Variants in WDPCP observed in about 807,000 individuals in gnomAD.
WDPCP encodes WD repeat containing planar cell polarity effector.
Under a neutral mutation model 93.1 loss-of-function variants are expected in WDPCP, and 71 were observed. The ratio of observed to expected loss-of-function variants is 0.76; its 90% CI spans 0.63 to 0.93. WDPCP has a LOEUF of 0.93. WDPCP is among the 40% of genes least tolerant of loss of function. The pLI, the probability that WDPCP is intolerant of heterozygous loss-of-function variation, is 0.00. For missense variants in WDPCP, 844 were observed against 887.4 expected (o/e 0.95, Z 0.62); for synonymous variants, 315 against 315.0 (o/e 1.00, Z 0.00).
intron 3 of WDPCP, chr2:63,604,770 G>C: frequency 6.2e-7 from 1 of 1,614,134 alleles, no homozygotes. Context: ...CCTCGACTCA[G>C]TATCCAGATG....
chr2:63,390,993 C>A (rs2105015064), intron 10 of WDPCP, among the ~76,000 whole-genome samples: 1 of 152,272 alleles, frequency 6.6e-6, no homozygotes, highest in Non-Finnish European at 1.5e-5. Flanking sequence ...CCTTCTGAAA[C>A]TATTCCAATC....
At chr2:63,155,227 A>G (rs2103841454) in intron 15 of WDPCP, among the ~76,000 whole-genome samples, 1 of 152,266 alleles carries the variant, frequency 6.6e-6, no homozygotes, top group Middle Eastern at 3.4e-3. Flanking sequence ...ATTTCCTCCT[A>G]TGCTTTCTTC....
intron 15 of WDPCP, among the ~76,000 whole-genome samples, chr2:63,166,514 C>T (rs1175144511): frequency 1.3e-5 from 2 of 152,160 alleles, no homozygotes; most frequent in Admixed American, 6.5e-5. Context: ...CAGCGATTCT[C>T]ATGCCTCACT....
At chr2:63,630,116 A>AT (rs1490813149) in intron 3 of WDPCP, among the ~76,000 whole-genome samples, 1 of 152,242 alleles carries the variant, frequency 6.6e-6, no homozygotes, top group Non-Finnish European at 1.5e-5. Flanking sequence ...TACAGCAACC[A>AT]TGAAAAAATT....
At chr2:63,467,678 A>C (rs1699430844) in intron 6 of WDPCP, among the ~76,000 whole-genome samples, 1 of 151,152 alleles carries the variant, frequency 6.6e-6, no homozygotes, top group Non-Finnish European at 1.5e-5. Context: ...CGGTAGGCTA[A>C]GGCAGGAGAA....
At chr2:63,606,422 T>G (rs1709528881) in intron 3 of WDPCP, among the ~76,000 whole-genome samples, 1 of 152,206 alleles carries the variant, frequency 6.6e-6, no homozygotes, top group Admixed American at 6.5e-5. Flanking sequence ...AATTGTTCCT[T>G]TACTAAAATA....
intron 2 of WDPCP, among the ~76,000 whole-genome samples, chr2:63,790,239 G>A (rs922920169): frequency 1.3e-5 from 2 of 152,166 alleles, no homozygotes; most frequent in Admixed American, 6.6e-5. Flanking sequence ...AAGGTGCTGG[G>A]CGAAATTATA....
At chr2:63,418,812 C>T (rs1695620112) in intron 9 of WDPCP, among the ~76,000 whole-genome samples, 12 of 152,134 alleles carry the variant, frequency 7.9e-5, no homozygotes, top group Admixed American at 7.9e-4. Context: ...GAAAATATCT[C>T]TGTTTTAATT....
At chr2:63,819,968 A>C (rs1670994829) in intron 1 of WDPCP, among the ~76,000 whole-genome samples, 1 of 152,220 alleles carries the variant, frequency 6.6e-6, no homozygotes, top group African/African-American at 2.4e-5. Flanking sequence ...GGACTCTGGC[A>C]GTTGCTTTTA....
chr2:63,618,489 C>T (rs1709696603), intron 3 of WDPCP, among the ~76,000 whole-genome samples: 1 of 152,086 alleles, frequency 6.6e-6, no homozygotes. Context: ...TCATTTACTG[C>T]AATTGTGAAA....
At chr2:63,536,331 A>G (rs1704272982) in intron 1 of WDPCP, among the ~76,000 whole-genome samples, 2 of 152,308 alleles carry the variant, frequency 1.3e-5, no homozygotes, top group Admixed American at 1.3e-4. Context: ...AACTAGAAAT[A>G]CCATTTGACC....
At chr2:63,709,298 G>C (rs540135042) in intron 2 of WDPCP, among the ~76,000 whole-genome samples, 1 of 151,946 alleles carries the variant, frequency 6.6e-6, no homozygotes, top group African/African-American at 2.4e-5. Flanking sequence ...CTGGGTAACA[G>C]ACCGAAACTC....
At chr2:63,631,713 G>C (rs1709866644) in intron 3 of WDPCP, among the ~76,000 whole-genome samples, 1 of 152,194 alleles carries the variant, frequency 6.6e-6, no homozygotes, top group Non-Finnish European at 1.5e-5. Context: ...TCTGGAGATG[G>C]CTGGGAGTAA....
chr2:63,797,109 C>T (rs1472656700), intron 2 of WDPCP, among the ~76,000 whole-genome samples: 5 of 152,120 alleles, frequency 3.3e-5, no homozygotes, highest in Admixed American at 6.5e-5. Context: ...TGCCTTGAAG[C>T]GAAGAAACCA....
At position 63,575,467 on chromosome 2, in the gene WDPCP, G is replaced by A. The variant is rs12468273; in HGVS notation, c.75+12730C>T. 0.046 allele frequency among the ~76,000 whole-genome samples: 312 copies of A among 6,756 alleles called. 53 individuals carry two copies. In the Middle Eastern group the frequency reaches 0.5, roughly 11 times the overall value. The allele number at this position is 6,756 out of a possible 152,430, so 4.4% of individuals were successfully genotyped here. On this transcript the variant is annotated intron_variant, in intron 1 of 17. Transcript: ENST00000272321. ...TATACACTGTATATACAGTATATATGCAGTATATACAGTGTATATATAGTA... is the reference window on the plus strand; with the variant it reads ...TATACACTGTATATACAGTATATATACAGTATATACAGTGTATATATAGTA...
intron 1 of WDPCP, 130 bp downstream of exon 1, chr2:63,588,067 C>G (rs982030886): frequency 8.7e-7 from 1 of 1,153,012 alleles, no homozygotes; most frequent in Non-Finnish European, 1.3e-6. Context: ...CCTCATACTC[C>G]GCTCAGAAAA....
At chr2:63,271,275 T>C (rs1682615683) in intron 13 of WDPCP, among the ~76,000 whole-genome samples, 1 of 152,230 alleles carries the variant, frequency 6.6e-6, no homozygotes, top group East Asian at 1.9e-4. Flanking sequence ...GCACATACCT[T>C]TGAGGAGCCC....
chr2:63,213,896 CA>C (rs1241065209), intron 14 of WDPCP, among the ~76,000 whole-genome samples: 13 of 152,144 alleles, frequency 8.5e-5, no homozygotes, highest in Non-Finnish European at 2.9e-5. Flanking sequence ...TTCCTGTACA[CA>C]TACACCCTCC....
intron 13 of WDPCP, among the ~76,000 whole-genome samples, chr2:63,284,523 A>G (rs902914886): frequency 2.0e-5 from 3 of 152,168 alleles, no homozygotes; most frequent in African/African-American, 7.2e-5. Flanking sequence ...GTATATCCGA[A>G]TTGTCAGAAT....
Sources: allele counts gnomAD v4.1 joint callset (sites outside exome capture counted in the v4.1 genomes callset), GRCh38; gene constraint gnomAD v4.1.1; transcripts MANE v1.5; gene names NCBI Gene and HGNC (gene_info 2026-07-23, HGNC 2026-07-21).